Variants in ZNF114 observed in about 807,000 individuals in gnomAD.
ZNF114 encodes the protein zinc finger protein 114 (Y18).
Under a neutral mutation model 6.8 loss-of-function variants are expected in ZNF114, and 8 were observed. The observed-to-expected ratio is 1.18, with a 90% CI of 0.69 to 2.13. ZNF114 has a LOEUF of 2.13. Among genes scored for constraint, ZNF114 ranks in the 30% most tolerant of loss-of-function variants. The probability of loss-of-function intolerance (pLI) is 0.00; values close to 1 mark genes in which losing one functional copy is unlikely to be tolerated. For synonymous variants in ZNF114, 169 were observed against 185.5 expected, an observed-to-expected ratio of 0.91 and a Z score of 0.72; for missense variants, 472 against 519.5, an observed-to-expected ratio of 0.91 and a Z score of 0.89.
At chr19:48,283,661 G>A (rs931663525) in intron 5 of ZNF114, among the ~76,000 whole-genome samples, 2 of 152,076 alleles carry the variant, frequency 1.3e-5, no homozygotes, top group African/African-American at 4.8e-5. Flanking sequence ...AAAGTTGCAT[G>A]ATTACATGGT....
intron 3 of ZNF114, among the ~76,000 whole-genome samples, chr19:48,274,405 C>T (rs1196050405): frequency 1.3e-5 from 2 of 150,716 alleles, no homozygotes; most frequent in East Asian, 3.9e-4. Flanking sequence ...AGTCATTAAA[C>T]GGTCATCAGA....
chr19:48,286,305 A>G lies in ZNF114; in HGVS notation c.681A>G (p.Gly227=). The G allele has an allele frequency of 1.2e-6, 2 of 1,614,222 alleles. No homozygotes were observed. Among genetic ancestry groups the G allele is most frequent in the Non-Finnish European group, 1.7e-6 (2 of 1,180,040 alleles). Residue 227 remains glycine, a synonymous_variant, in exon 6 of 6, where the codon GGA becomes GGG. Transcript: ENST00000595607. ...ACAGGCACCAGCGGAATCCATTTGG[A>G]AAAGCTTTCCGTGAAGACGGATCCC... ...GANRHQRNPF[G]KAFREDGSLR... is the part of the protein sequence containing the mutation.
chr19:48,280,795 C>T lies in ZNF114; in HGVS notation c.9+987C>T, dbSNP rs183252079. ...CTCGAACTCCTGACCTTAGGTGATC[C>T]GCCCACCTCGGCCTCCCAAAGTGCT... On this transcript the variant is annotated intron_variant, in intron 4 of 5. Transcript: ENST00000595607. Among the ~76,000 whole-genome samples, 897 of 152,074 alleles carry T rather than the reference C, an allele frequency of 5.9e-3. 7 individuals carry two copies. Among genetic ancestry groups the T allele is most frequent in the African/African-American group, 0.019 (779 of 41,494 alleles).
At chr19:48,274,115 T>C (rs777762825) in intron 3 of ZNF114, among the ~76,000 whole-genome samples, 2 of 151,390 alleles carry the variant, frequency 1.3e-5, no homozygotes, top group African/African-American at 2.4e-5. Flanking sequence ...CACACACACA[T>C]ATATATAAAT....
intron 3 of ZNF114, among the ~76,000 whole-genome samples, chr19:48,277,794 G>GGGGGGTGTGTGT (rs1330052475): frequency 1.9e-4 from 23 of 119,410 alleles, no homozygotes; most frequent in African/African-American, 5.6e-4. Flanking sequence ...GGAGGCATTG[G>GGGGGGTGTGTGT]GTGTGTGTGT....
rs1485138796 is a variant in ZNF114 at position 48,279,825 on chromosome 19, C to A, written c.9+17C>A. The A allele has an allele frequency of 6.2e-7, 1 of 1,613,898 alleles. No homozygotes were observed. ...ATGTCCCAGGTAAGTTGGCAGCTCA[C>A]CCTCTCCCAGAAGCGTGTTGTCGTT... On this transcript the variant is annotated intron_variant, in intron 4 of 5. Coordinates refer to ENST00000595607, the MANE Select transcript of ZNF114 (RefSeq NM_153608.4).
At chr19:48,276,074 CTTTTTTTT>C (rs34454372) in intron 3 of ZNF114, among the ~76,000 whole-genome samples, 1 of 73,418 alleles carries the variant, frequency 1.4e-5, no homozygotes, top group African/African-American at 4.7e-5. Flanking sequence ...CCTCTTACCT[CTTTTTTTT>C]TTTTTTTTTT....
At chr19:48,282,917 C>G (rs920891762) in intron 5 of ZNF114, among the ~76,000 whole-genome samples, 1 of 151,926 alleles carries the variant, frequency 6.6e-6, no homozygotes. Context: ...GATTTCACCA[C>G]GTTGGCTAGG....
chr19:48,282,917 C>T (rs920891762), intron 5 of ZNF114, among the ~76,000 whole-genome samples: 3 of 151,926 alleles, frequency 2.0e-5, no homozygotes, highest in Non-Finnish European at 4.4e-5. Flanking sequence ...GATTTCACCA[C>T]GTTGGCTAGG....
At chr19:48,270,673 G>GA (rs1292928522) in intron 1 of ZNF114, among the ~76,000 whole-genome samples, 3 of 107,876 alleles carry the variant, frequency 2.8e-5, no homozygotes, top group Non-Finnish European at 5.8e-5. Context: ...GAAAGAAAGA[G>GA]AAAAAAGGAA....
At position 48,287,542 on chromosome 19, in the gene ZNF114, CAT is replaced by C. The variant is rs1968165976; in HGVS notation, c.*665_*666del. ...AAGACCTCTTTAAACACTTACCACT[CAT>C]GTTGCATGTGAATCCACATCCTGAA... On this transcript the variant is annotated 3_prime_UTR_variant, in exon 6 of 6. Coordinates refer to ENST00000595607, the MANE Select transcript of ZNF114 (RefSeq NM_153608.4). 6.6e-6 allele frequency: 1 copy of C among 151,696 alleles called. No individual in the cohort carries two copies. Among genetic ancestry groups the C allele is most frequent in the East Asian group, 1.9e-4 (1 of 5,158 alleles). 9.4% of individuals were successfully genotyped at this position (151,696 alleles called of 1,614,324 possible).
intron 4 of ZNF114, among the ~76,000 whole-genome samples, chr19:48,280,421 TG>T (rs1265458553): frequency 6.6e-6 from 1 of 151,922 alleles, no homozygotes; most frequent in East Asian, 1.9e-4. Flanking sequence ...AAAGTGTTTT[TG>T]TCTTAAGGAA....
At chr19:48,274,502 ATATATTTTTTTTTTT>A (rs1260719374) in intron 3 of ZNF114, among the ~76,000 whole-genome samples, 2,476 of 17,784 alleles carry the variant, frequency 0.14, 67 homozygotes, top group African/African-American at 0.25. Context: ...ATATATATAT[ATATATTTTTTTTTTT>A]TTTTTTGAGA....
At chr19:48,281,197 G>A (rs752148904) in intron 4 of ZNF114, among the ~76,000 whole-genome samples, 3 of 152,180 alleles carry the variant, frequency 2.0e-5, no homozygotes, top group East Asian at 1.9e-4. Context: ...CCAATCGACT[G>A]TACCTCTTCC....
chr19:48,278,718 G>A (rs1198095945), intron 3 of ZNF114, among the ~76,000 whole-genome samples: 1 of 152,124 alleles, frequency 6.6e-6, no homozygotes, highest in Non-Finnish European at 1.5e-5. Flanking sequence ...GAGGCGGGCG[G>A]ATCACTTGAG....
intron 3 of ZNF114, among the ~76,000 whole-genome samples, chr19:48,273,797 G>A (rs1385495276): frequency 2.1e-5 from 3 of 140,162 alleles, no homozygotes; most frequent in Non-Finnish European, 4.5e-5. Flanking sequence ...TCGCTCTGTC[G>A]CCCAGGCTGG....
chr19:48,285,666 A>AAGAG lies in ZNF114; in HGVS notation c.137-91_137-88dup, dbSNP rs544462398. On this transcript the variant is annotated intron_variant, in intron 5 of 5. Transcript: ENST00000595607. ...AGGGAGGGAAAGAAAGAAAGAAAGA[A>AAGAG]AGAGAGAAATCCACACGGAGATTGC... 10 of 1,348,284 alleles carry AAGAG rather than the reference A, an allele frequency of 7.4e-6. No homozygotes were observed. In the African/African-American group the frequency reaches 1.2e-4, roughly 16 times the overall value. 83.5% of individuals were successfully genotyped at this position (1,348,284 alleles called of 1,614,324 possible). A position where few individuals can be genotyped will look rare whatever the true frequency, so the allele number is the denominator to read the frequency against.
chr19:48,273,648 G>T (rs1170091555), intron 3 of ZNF114, among the ~76,000 whole-genome samples: 2 of 151,880 alleles, frequency 1.3e-5, no homozygotes, highest in Admixed American at 6.6e-5. Context: ...CAAGATAGAC[G>T]TGGAATGTTG....
chr19:48,273,658 G>A (rs1170301600), intron 3 of ZNF114, among the ~76,000 whole-genome samples: 3 of 151,566 alleles, frequency 2.0e-5, no homozygotes, highest in Non-Finnish European at 4.4e-5. Context: ...GTGGAATGTT[G>A]TGTCTCAAAA....
Sources: gnomAD v4.1 joint callset for allele counts (sites outside exome capture counted in the v4.1 genomes callset) on GRCh38, gnomAD v4.1.1 for gene constraint, MANE v1.5 for transcripts, NCBI Gene and HGNC (gene_info 2026-07-23, HGNC 2026-07-21) for gene names.